Variants in CTNNA1 observed in about 807,000 individuals in gnomAD.
The protein encoded by CTNNA1 is catenin alpha 1.
In CTNNA1, 37 loss-of-function variants were observed where a neutral mutation model predicts 98.4. That is an observed-to-expected ratio of 0.38 (90% CI 0.29 to 0.49). The LOEUF is 0.49. Ranked by LOEUF, CTNNA1 falls within the 20% of genes least tolerant of loss-of-function variation. The pLI, the probability that CTNNA1 is intolerant of heterozygous loss-of-function variation, is 0.95. For synonymous variants in CTNNA1, 404 were observed against 413.2 expected (o/e 0.98, Z 0.27); for missense variants, 761 against 1,147.2 (o/e 0.66, Z 4.86).
At chr5:138,764,000 C>G (rs1752635066) in intron 1 of CTNNA1, among the ~76,000 whole-genome samples, 1 of 152,090 alleles carries the variant, frequency 6.6e-6, no homozygotes, top group Non-Finnish European at 1.5e-5. Flanking sequence ...GCCTGACTAA[C>G]ATGGAGAAAC....
intron 9 of CTNNA1, among the ~76,000 whole-genome samples, chr5:138,901,810 C>T (rs950840432): frequency 2.6e-5 from 4 of 152,208 alleles, no homozygotes; most frequent in Non-Finnish European, 5.9e-5. Flanking sequence ...ATTTAGGAAG[C>T]TCCTCTCCTC....
At chr5:138,756,684 C>T (rs374956972) in intron 1 of CTNNA1, among the ~76,000 whole-genome samples, 2 of 152,238 alleles carry the variant, frequency 1.3e-5, no homozygotes, top group East Asian at 3.9e-4. Context: ...CATGAGATTG[C>T]CAGAGAAGGC....
chr5:138,838,120 C>T (rs942732580), intron 7 of CTNNA1, among the ~76,000 whole-genome samples: 25 of 152,114 alleles, frequency 1.6e-4, no homozygotes, highest in African/African-American at 6.0e-4. Flanking sequence ...AGGCTGGTCT[C>T]AAAGTCCTGA....
chr5:138,761,271 G>A (rs998614053), intron 1 of CTNNA1, among the ~76,000 whole-genome samples: 6 of 152,146 alleles, frequency 3.9e-5, no homozygotes, highest in African/African-American at 1.4e-4. Flanking sequence ...GTCTCACCCT[G>A]TCGCCCAGTC....
In CTNNA1 at chr5:138,873,394, A is replaced by G. The variant is rs1000140136; in HGVS notation, c.1063-12818A>G. On this transcript the variant is annotated intron_variant, in intron 7 of 17. Coordinates refer to ENST00000302763, the MANE Select transcript of CTNNA1 (RefSeq NM_001903.5). This position sits in a 1 kb window ranked among gnomAD's most constrained non-coding sequence, Gnocchi z 6.1. Reference sequence around the variant, plus strand: ...GGATTTCTTTGTCTCCCACATGGTAACTTGATGAGCTTATTCTTTTTGTAT... The same window carrying G: ...GGATTTCTTTGTCTCCCACATGGTAGCTTGATGAGCTTATTCTTTTTGTAT... The G allele has an allele frequency of 6.2e-7, 1 of 1,614,032 alleles. No individual in the cohort carries two copies. Among genetic ancestry groups the G allele is most frequent in the East Asian group, 2.2e-5 (1 of 44,894 alleles).
At chr5:138,786,538 C>T (rs1424486237) in intron 3 of CTNNA1, among the ~76,000 whole-genome samples, 1 of 152,034 alleles carries the variant, frequency 6.6e-6, no homozygotes, top group Non-Finnish European at 1.5e-5. Context: ...TTAGTGATTC[C>T]TACAATGACT....
At chr5:138,780,995 G>T (rs564613163) in intron 1 of CTNNA1, among the ~76,000 whole-genome samples, 1 of 152,272 alleles carries the variant, frequency 6.6e-6, no homozygotes, top group South Asian at 2.1e-4. Context: ...GCCGCTGTCT[G>T]ACAGAAGTTT....
chr5:138,812,483 A>G (rs1758933298), intron 5 of CTNNA1, among the ~76,000 whole-genome samples, 181 bp downstream of exon 5: 1 of 152,208 alleles, frequency 6.6e-6, no homozygotes, highest in Admixed American at 6.5e-5. Flanking sequence ...ATTACATTGC[A>G]TTCATGTTAT....
intron 1 of CTNNA1, among the ~76,000 whole-genome samples, chr5:138,760,508 G>A (rs1016062578): frequency 6.6e-6 from 1 of 151,686 alleles, no homozygotes; most frequent in South Asian, 2.1e-4. Flanking sequence ...GGGATTACAG[G>A]TGTGCGCCAC....
At chr5:138,893,731 C>A (rs937200453) in intron 9 of CTNNA1, among the ~76,000 whole-genome samples, 1 of 150,980 alleles carries the variant, frequency 6.6e-6, no homozygotes, top group Non-Finnish European at 1.5e-5. Context: ...TCAAGTGATT[C>A]TCCTGCCTCA....
chr5:138,823,316 G>A (rs1760226278), intron 5 of CTNNA1, among the ~76,000 whole-genome samples: 1 of 152,088 alleles, frequency 6.6e-6, no homozygotes, highest in Admixed American at 6.6e-5. Context: ...CATCATTAGT[G>A]GAAATGATGC....
intron 1 of CTNNA1, among the ~76,000 whole-genome samples, chr5:138,757,885 A>G (rs1751854835): frequency 6.6e-6 from 1 of 152,348 alleles, no homozygotes; most frequent in African/African-American, 2.4e-5. Flanking sequence ...CTCCAATAAC[A>G]AATTTGGGCA....
At chr5:138,893,927 A>G (rs577154710) in intron 9 of CTNNA1, among the ~76,000 whole-genome samples, 15 of 129,006 alleles carry the variant, frequency 1.2e-4, no homozygotes, top group African/African-American at 4.2e-4. Context: ...TGGCCTATTT[A>G]TTTTTTTTGA....
intron 17 of CTNNA1, chr5:138,932,917 G>A: frequency 1.3e-6 from 1 of 797,180 alleles, no homozygotes; most frequent in Non-Finnish European, 2.2e-6. Context: ...CACTGCAAGG[G>A]CTGAAAGGCT....
chr5:138,934,490 A>T lies in CTNNA1; in HGVS notation c.*401A>T. 1.2e-5 allele frequency: 2 copies of T among 172,264 alleles called. No individual in the cohort carries two copies. The highest frequency in any genetic ancestry group is 2.5e-5 in the Non-Finnish European group (2 of 81,052). The allele number at this position is 172,264 out of a possible 1,614,324, so 10.7% of individuals were successfully genotyped here. ...CAGACAGCTTGACTGCTTTTAAATG[A>T]CCAAAGATGACCTGTGGTAAGCAAC... On this transcript the variant is annotated 3_prime_UTR_variant, in exon 18 of 18. Transcript: ENST00000302763.
At position 138,933,872 on chromosome 5, in the gene CTNNA1, C is replaced by T. The variant is rs377477287; in HGVS notation, c.2504C>T (p.Ala835Val). Residue 835 changes from alanine to valine, a missense_variant, in exon 18 of 18, where the codon GCA (alanine) becomes GTA (valine). By Grantham distance (64) the Ala-to-Val change is moderately conservative (BLOSUM62 0). Coordinates refer to ENST00000302763, the MANE Select transcript of CTNNA1 (RefSeq NM_001903.5). ...AATGCTGTGGTGCAGACAGTGAAGG[C>T]ATCCTACGTCGCCTCTACCAAATAC... ...LMNAVVQTVK[A>V]SYVASTKYQK... 4.6e-5 allele frequency: 75 copies of T among 1,614,068 alleles called. No homozygotes were observed. Among genetic ancestry groups the T allele is most frequent in the Non-Finnish European group, 6.3e-5 (74 of 1,180,038 alleles).
At position 138,883,269 on chromosome 5, in the gene CTNNA1, T is replaced by G. The variant is rs869312579; in HGVS notation, c.1063-2943T>G. Among the ~76,000 whole-genome samples the G allele has an allele frequency of 9.2e-5, 14 of 152,178 alleles. No homozygotes were observed. Among genetic ancestry groups the G allele is most frequent in the Non-Finnish European group, 2.1e-4 (14 of 68,038 alleles). ...TCATCTCTATTACATTTTAAATGAT[T>G]GGTACCCTAAACTTGCTATTTGGAC... On this transcript the variant is annotated intron_variant, in intron 7 of 17. Coordinates refer to ENST00000302763, the MANE Select transcript of CTNNA1 (RefSeq NM_001903.5).
chr5:138,821,414 A>G (rs1003782986), intron 5 of CTNNA1, among the ~76,000 whole-genome samples: 10 of 152,198 alleles, frequency 6.6e-5, no homozygotes, highest in Admixed American at 2.0e-4. Context: ...TACCTAGTCT[A>G]TGAATTCTTG....
chr5:138,829,395 A>T (rs1761041750), intron 7 of CTNNA1, among the ~76,000 whole-genome samples: 1 of 152,196 alleles, frequency 6.6e-6, no homozygotes, highest in Non-Finnish European at 1.5e-5. Flanking sequence ...AAATGGTGTA[A>T]AAGTGTCTTA....
Sources: allele counts gnomAD v4.1 joint callset (sites outside exome capture counted in the v4.1 genomes callset), GRCh38; gene constraint gnomAD v4.1.1; non-coding constraint Gnocchi (gnomAD v3.1); transcripts MANE v1.5; gene names NCBI Gene and HGNC (gene_info 2026-07-23, HGNC 2026-07-21).